Variants in LPCAT3 observed in about 807,000 individuals in gnomAD.
The protein encoded by LPCAT3 is lysophospholipid acyltransferase 5.
LPCAT3 carries 21 observed loss-of-function variants against 63.4 expected under a neutral mutation model. The ratio of observed to expected loss-of-function variants is 0.33; its 90% CI spans 0.23 to 0.48. The LOEUF is 0.48. LPCAT3 is among the 20% of genes least tolerant of loss of function. LPCAT3 has a pLI of 0.99. For missense variants in LPCAT3, 451 were observed against 590.6 expected (o/e 0.76, Z 2.45); for synonymous variants, 242 against 227.5 (o/e 1.06, Z -0.58).
At chr12:7,016,067 C>T (rs1450028869) in intron 1 of LPCAT3, among the ~76,000 whole-genome samples, 1 of 151,976 alleles carries the variant, frequency 6.6e-6, no homozygotes, top group African/African-American at 2.4e-5. Context: ...TGTTGAGAAA[C>T]CAACAGTTTC....
At chr12:7,003,144 G>C (rs1212157833) in intron 1 of LPCAT3, among the ~76,000 whole-genome samples, 6 of 152,100 alleles carry the variant, frequency 3.9e-5, no homozygotes, top group African/African-American at 1.4e-4. Flanking sequence ...ACAACTAATG[G>C]ATTTTGTTAA....
At chr12:6,983,394 CACTA>C (rs782017808) in intron 2 of LPCAT3, 34 bp downstream of exon 2, 3 of 1,373,084 alleles carry the variant, frequency 2.2e-6, no homozygotes, top group Non-Finnish European at 3.1e-6. Flanking sequence ...TCCAGGTTCC[CACTA>C]ATTGCGGTGT....
In LPCAT3 at chr12:6,977,117, T is replaced by G. The variant is rs782288020; in HGVS notation, c.*12+17A>C. The G allele has an allele frequency of 7.0e-7, 1 of 1,426,246 alleles. No individual in the cohort carries two copies. The highest frequency in any genetic ancestry group is 1.4e-5 in the African/African-American group (1 of 71,034). 88.3% of individuals were successfully genotyped at this position (1,426,246 alleles called of 1,614,324 possible). On this transcript the variant is annotated intron_variant, in intron 12 of 12. Transcript: ENST00000261407. This position sits in a 1 kb window ranked among gnomAD's most constrained non-coding sequence, Gnocchi z 4.5. ...CTGTAACCTGGTGGTAGTTTTAGTTTAGCTGTATTAACTTACCAGGGAAAT... is the reference window on the plus strand; with the variant it reads ...CTGTAACCTGGTGGTAGTTTTAGTTGAGCTGTATTAACTTACCAGGGAAAT...
chr12:6,981,588 T>C lies in LPCAT3; in HGVS notation c.498+7A>G. ...TTGAACCTCTCTGCCGATGAATGGG[T>C]ACTTACCTGATCTTTCCCTCCGTCA... On this transcript the variant is annotated splice_region_variant and intron_variant, in intron 5 of 12. Transcript: ENST00000261407. 6.2e-7 allele frequency: 1 copy of C among 1,613,912 alleles called. No individual in the cohort carries two copies. Among genetic ancestry groups the C allele is most frequent in the Non-Finnish European group, 8.5e-7 (1 of 1,179,790 alleles).
At chr12:7,001,586 A>C (rs1282916842) in intron 1 of LPCAT3, 2 of 448,670 alleles carry the variant, frequency 4.5e-6, no homozygotes, top group African/African-American at 4.0e-5. Context: ...TGTGAGGCTG[A>C]GGCAGGCCTG....
chr12:6,984,210 T>G (rs887398036), intron 1 of LPCAT3, among the ~76,000 whole-genome samples: 5 of 152,330 alleles, frequency 3.3e-5, no homozygotes, highest in African/African-American at 1.2e-4. Context: ...AAAATCCATT[T>G]AAGTATACTA....
chr12:6,978,176 T>C (rs1193362153), intron 9 of LPCAT3, 165 bp downstream of exon 9: 2 of 766,122 alleles, frequency 2.6e-6, no homozygotes, highest in African/African-American at 1.9e-5. Context: ...GTAATGGTTT[T>C]TTTGGGAGGG....
intron 1 of LPCAT3, among the ~76,000 whole-genome samples, chr12:7,002,161 G>A (rs1212717227): frequency 4.6e-5 from 7 of 152,098 alleles, no homozygotes; most frequent in East Asian, 1.9e-4. Context: ...CTTCTCAGGC[G>A]TCCGATTCCT....
Position 6,987,026 on chromosome 12 carries a change from T to A in LPCAT3, c.152-3487A>T, listed in dbSNP as rs1338794595. Among the ~76,000 whole-genome samples, 1 of 151,798 alleles carries A rather than the reference T, an allele frequency of 6.6e-6. No homozygotes were observed. The highest frequency in any genetic ancestry group is 2.4e-5 in the African/African-American group (1 of 41,276). ...TACTTGGGAAGCTGAGGCAGGAGAA[T>A]TGCTTGAACCCAGGAGGCGGAGGTG... On this transcript the variant is annotated intron_variant, in intron 1 of 12. Coordinates refer to ENST00000261407, the MANE Select transcript of LPCAT3 (RefSeq NM_005768.6). The surrounding 1 kb of genome is among the most constrained non-coding windows in gnomAD (Gnocchi z 4.1).
intron 1 of LPCAT3, among the ~76,000 whole-genome samples, chr12:7,003,540 A>C (rs1555156676): frequency 6.6e-6 from 1 of 152,154 alleles, no homozygotes; most frequent in Non-Finnish European, 1.5e-5. Context: ...TATGTCTAAC[A>C]CAGTGTGCTA....
At chr12:6,989,830 AGTT>A (rs1946570730) in intron 1 of LPCAT3, among the ~76,000 whole-genome samples, 1 of 152,094 alleles carries the variant, frequency 6.6e-6, no homozygotes, top group Non-Finnish European at 1.5e-5. Context: ...TTAATCCTAA[AGTT>A]GTGAGGTTTC....
In LPCAT3 at chr12:6,977,888, GCTGA is replaced by G. The variant is rs1946426347; in HGVS notation, c.1041-147_1041-144del. On this transcript the variant is annotated intron_variant, in intron 9 of 12. Transcript: ENST00000261407. This position sits in a 1 kb window ranked among gnomAD's most constrained non-coding sequence, Gnocchi z 4.5. The stretch of plus-strand genomic sequence containing the variant: ...GCCCCCAGAGGGTACAGGAGGCAGT[GCTGA>G]CTGATTACTTTTAGAGATGGAAAGC... 19 of 926,600 alleles carry G rather than the reference GCTGA, an allele frequency of 2.1e-5. 1 individual carries two copies. The South Asian group carries it at 3.0e-4, about 15-fold the overall frequency. The allele number at this position is 926,600 out of a possible 1,614,324, so 57.4% of individuals were successfully genotyped here. A position where few individuals can be genotyped will look rare whatever the true frequency, so the allele number is the denominator to read the frequency against.
intron 7 of LPCAT3, 59 bp downstream of exon 7, chr12:6,979,412 G>C: frequency 7.9e-7 from 1 of 1,265,462 alleles, no homozygotes; most frequent in Non-Finnish European, 1.2e-6. Context: ...AGGGATCCTT[G>C]CCTGTCCATT....
rs1370335877 is a variant in LPCAT3 at position 6,978,509 on chromosome 12, TGA to T, written c.874-4_874-3del. 1.2e-6 allele frequency: 2 copies of T among 1,612,446 alleles called. No homozygotes were observed. The highest frequency in any genetic ancestry group is 1.7e-6 in the Non-Finnish European group (2 of 1,178,690). On this transcript the variant is annotated splice_polypyrimidine_tract_variant and splice_region_variant and intron_variant, in intron 8 of 12. Transcript: ENST00000261407. ...GCCCGTCAAAATGCATACTCCTTCC[TGA>T]GAGGGAATAGCTCAGTTAGGGCTCT...
At chr12:7,003,096 G>A (rs1946700813) in intron 1 of LPCAT3, among the ~76,000 whole-genome samples, 1 of 152,054 alleles carries the variant, frequency 6.6e-6, no homozygotes, top group African/African-American at 2.4e-5. Context: ...TTCCTTCAGA[G>A]TATGAAGAAA....
At chr12:7,011,603 G>C (rs902261334) in intron 1 of LPCAT3, among the ~76,000 whole-genome samples, 1 of 141,976 alleles carries the variant, frequency 7.0e-6, no homozygotes, top group African/African-American at 2.7e-5. Flanking sequence ...AGCTGAGATT[G>C]CACCACTGCA....
intron 1 of LPCAT3, among the ~76,000 whole-genome samples, chr12:7,008,745 C>T (rs1453988828): frequency 6.6e-6 from 1 of 151,324 alleles, no homozygotes; most frequent in African/African-American, 2.4e-5. Context: ...AAGTGAGACT[C>T]CATCTCAAAA....
Position 7,017,852 on chromosome 12 carries a change from G to A in LPCAT3, c.151+422C>T, listed in dbSNP as rs782577370. Among the ~76,000 whole-genome samples, 18 of 152,356 alleles carry A rather than the reference G, an allele frequency of 1.2e-4. No homozygotes were observed. In the East Asian group the frequency reaches 3.3e-3, roughly 28 times the overall value. Reference sequence around the variant, plus strand: ...AAATATGGAATATGGGGCTGAAAAGGCCGAAAGGGCTAAAGTTAGGGGCCC... The same window carrying A: ...AAATATGGAATATGGGGCTGAAAAGACCGAAAGGGCTAAAGTTAGGGGCCC... On this transcript the variant is annotated intron_variant, in intron 1 of 12. Coordinates refer to ENST00000261407, the MANE Select transcript of LPCAT3 (RefSeq NM_005768.6). This position sits in a 1 kb window ranked among gnomAD's most constrained non-coding sequence, Gnocchi z 4.1.
intron 1 of LPCAT3, among the ~76,000 whole-genome samples, chr12:6,996,793 G>A (rs1946638949): frequency 6.6e-6 from 1 of 152,222 alleles, no homozygotes; most frequent in South Asian, 2.1e-4. Flanking sequence ...AGGTTAAAGA[G>A]AAATCAATCT....
Sources: allele counts gnomAD v4.1 joint callset (sites outside exome capture counted in the v4.1 genomes callset), GRCh38; gene constraint gnomAD v4.1.1; non-coding constraint Gnocchi (gnomAD v3.1); transcripts MANE v1.5; gene names NCBI Gene and HGNC (gene_info 2026-07-23, HGNC 2026-07-21).